The following SEL1L2 variants were observed in gnomAD, a reference collection of about 807,000 sequenced individuals.
SEL1L2 encodes the protein SEL1L2 adaptor subunit of SYVN1 ubiquitin ligase, also known as protein sel-1 homolog 2.
A neutral mutation model predicts 98.8 loss-of-function variants in SEL1L2; 89 were observed. That is an observed-to-expected ratio of 0.90 (90% CI 0.76 to 1.07). SEL1L2 has a LOEUF of 1.07. SEL1L2 is among the 50% of genes least tolerant of loss of function. SEL1L2 has a pLI of 0.00. For synonymous variants in SEL1L2, 262 were observed against 278.5 expected, an observed-to-expected ratio of 0.94 and a Z score of 0.59; for missense variants, 788 against 812.0, an observed-to-expected ratio of 0.97 and a Z score of 0.36.
intron 19 of SEL1L2, chr20:13,849,975 C>T: frequency 1.7e-6 from 1 of 580,728 alleles, no homozygotes; most frequent in Non-Finnish European, 3.0e-6. Flanking sequence ...AAAAGAACAT[C>T]TGCTGAATGA....
chr20:13,866,777 G>C lies in SEL1L2; in HGVS notation c.1329C>G (p.Pro443=). Residue 443 remains proline, a synonymous_variant, in exon 15 of 20, where the codon CCC becomes CCG. Coordinates refer to ENST00000284951, the MANE Select transcript of SEL1L2 (RefSeq NM_025229.2). ...TCTTGGCCAGATAATAAATGGCAAG[G>C]GGCTGCCCACTCTGAGATGCCAGGT... ...YFYLASQSGQ[P]LAIYYLAKMY... 6.2e-7 allele frequency: 1 copy of C among 1,612,948 alleles called. No homozygotes were observed. Among genetic ancestry groups the C allele is most frequent in the Non-Finnish European group, 8.5e-7 (1 of 1,179,504 alleles).
chr20:13,936,479 G>C (rs1030975864), intron 2 of SEL1L2, among the ~76,000 whole-genome samples: 1 of 152,146 alleles, frequency 6.6e-6, no homozygotes, highest in South Asian at 2.1e-4. Context: ...CACTATTTTA[G>C]AACATAAGAT....
chr20:13,945,602 C>T (rs2049972637), intron 2 of SEL1L2, among the ~76,000 whole-genome samples: 1 of 151,966 alleles, frequency 6.6e-6, no homozygotes, highest in Admixed American at 6.6e-5. Flanking sequence ...ATGAGGTCAG[C>T]ATTACCCCAA....
rs2046085205 is a variant in SEL1L2 at position 13,869,547 on chromosome 20, T to C, written c.1211A>G (p.Lys404Arg). Residue 404 changes from lysine to arginine, a missense_variant, in exon 14 of 20, where the codon AAA becomes AGA. Transcript: ENST00000284951. ...ALKYFQKAAE[K>R]GWPDAQFQLG... Reference sequence around the variant, plus strand: ...CTGGAACTGTGCGTCGGGCCACCCTTTTTCCGCAGCTTTCTGAAAGTATTT... The same window carrying C: ...CTGGAACTGTGCGTCGGGCCACCCTCTTTCCGCAGCTTTCTGAAAGTATTT... 3.1e-6 allele frequency: 5 copies of C among 1,614,130 alleles called. No homozygotes were observed. Among genetic ancestry groups the C allele is most frequent in the Non-Finnish European group, 4.2e-6 (5 of 1,180,014 alleles).
intron 5 of SEL1L2, among the ~76,000 whole-genome samples, chr20:13,901,685 G>A (rs1310838669): frequency 6.9e-6 from 1 of 144,764 alleles, no homozygotes; most frequent in African/African-American, 2.6e-5. Context: ...TTTTTGAGAC[G>A]GAGTCTCACT....
chr20:13,881,308 G>T (rs575391708), intron 10 of SEL1L2, among the ~76,000 whole-genome samples: 1 of 152,276 alleles, frequency 6.6e-6, no homozygotes, highest in African/African-American at 2.4e-5. Context: ...CACCGTGCCT[G>T]GCCTGAATAC....
intron 1 of SEL1L2, among the ~76,000 whole-genome samples, chr20:13,957,849 C>G (rs1197775563): frequency 6.6e-6 from 1 of 152,120 alleles, no homozygotes; most frequent in Non-Finnish European, 1.5e-5. Context: ...TGTACTCAAG[C>G]CTGGGTGACA....
chr20:13,857,010 C>T (rs1255248926), intron 18 of SEL1L2, among the ~76,000 whole-genome samples: 2 of 152,152 alleles, frequency 1.3e-5, no homozygotes, highest in African/African-American at 2.4e-5. Context: ...TCAGGATATT[C>T]ATTTTAAGAA....
chr20:13,879,286 C>T (rs1011607052), intron 10 of SEL1L2, among the ~76,000 whole-genome samples: 1 of 152,056 alleles, frequency 6.6e-6, no homozygotes, highest in African/African-American at 2.4e-5. Context: ...CTAAGACTTG[C>T]AAAAATAAGA....
At chr20:13,908,014 T>C (rs1400579630) in intron 5 of SEL1L2, among the ~76,000 whole-genome samples, 3 of 150,800 alleles carry the variant, frequency 2.0e-5, no homozygotes, top group Admixed American at 6.6e-5. Context: ...CTTGAACTCC[T>C]GGGCTCAAGT....
In SEL1L2 at chr20:13,876,105, T is replaced by A; in HGVS notation, c.1037A>T (p.Glu346Val). 1 of 1,611,652 alleles carries A rather than the reference T, an allele frequency of 6.2e-7. No individual in the cohort carries two copies. The highest frequency in any genetic ancestry group is 1.3e-5 in the African/African-American group (1 of 74,964). ...ATTTTGCGGCACGGCAGCATTCCCC[T>A]CTAAATACATCTAGGAAGAAAAATG... ...AMAFIGKMYLEGNAAVPQNNA... is the reference protein window; with the variant it reads ...AMAFIGKMYLVGNAAVPQNNA... The change falls in exon 12 of 20, where the codon GAG (glutamate) becomes GTG (valine). Residue 346 changes from glutamate (E) to valine (V), a missense_variant. Coordinates refer to ENST00000284951, the MANE Select transcript of SEL1L2 (RefSeq NM_025229.2).
rs928856190 is a variant in SEL1L2, at chr20:13,889,713, C to G, written c.550-1201G>C. On this transcript the variant is annotated intron_variant, in intron 5 of 19. Coordinates refer to ENST00000284951, the MANE Select transcript of SEL1L2 (RefSeq NM_025229.2). ...GGCTGAGGCAGGAGAATGGTGTGAA[C>G]CCGGGAGGCGGAGCTTGCAGTGCAC... Among the ~76,000 whole-genome samples the G allele has an allele frequency of 2.0e-5, 3 of 152,098 alleles. No homozygotes were observed. The East Asian group carries it at 5.8e-4, about 29-fold the overall frequency.
rs1210504537 is a variant in SEL1L2 at position 13,887,951 on chromosome 20, C to G, written c.654G>C (p.Gln218His). Residue 218 changes from glutamine to histidine, a missense_variant, in exon 7 of 20, where the codon CAG becomes CAC. Transcript: ENST00000284951. The part of the protein sequence containing the change: ...FGSAGGNMMS[Q>H]MILGYRYLSG... ...TATTTTGTTTACAAACCAAAATCAT[C>G]TGGGACATCATGTTTCCTCCAGCAC... 6.2e-7 allele frequency: 1 copy of G among 1,613,596 alleles called. No individual in the cohort carries two copies. The highest frequency in any genetic ancestry group is 1.3e-5 in the African/African-American group (1 of 74,884).
intron 1 of SEL1L2, among the ~76,000 whole-genome samples, chr20:13,987,894 A>G (rs1421017551): frequency 6.6e-6 from 1 of 152,218 alleles, no homozygotes; most frequent in African/African-American, 2.4e-5. Flanking sequence ...CATCAGATAT[A>G]TGAGTCACAA....
chr20:13,968,582 T>C (rs190433946), intron 1 of SEL1L2, among the ~76,000 whole-genome samples: 4 of 152,334 alleles, frequency 2.6e-5, no homozygotes, highest in African/African-American at 7.2e-5. Context: ...ATTTAGTCAG[T>C]GAGTTGCTCA....
intron 5 of SEL1L2, among the ~76,000 whole-genome samples, chr20:13,911,213 G>A (rs1010538338): frequency 2.6e-5 from 4 of 152,190 alleles, no homozygotes; most frequent in Admixed American, 2.6e-4. Flanking sequence ...TGCATTTCAG[G>A]TTGACCTAGG....
chr20:13,939,035 G>GTTTTGGTTTTTTTTTTTTTT (rs2049598097), intron 2 of SEL1L2, among the ~76,000 whole-genome samples: 1 of 31,472 alleles, frequency 3.2e-5, no homozygotes, highest in Non-Finnish European at 6.4e-5. Context: ...TTGTTTGCTT[G>GTTTTGGTTTTTTTTTTTTTT]TTTTGTTTTT....
chr20:13,850,324 AAGG>A lies in SEL1L2; in HGVS notation c.1819-8_1819-6del, dbSNP rs750604079. The A allele has an allele frequency of 4.3e-6, 7 of 1,613,946 alleles. No individual in the cohort carries two copies. In the East Asian group the frequency reaches 1.1e-4, roughly 26 times the overall value. On this transcript the variant is annotated splice_region_variant and splice_polypyrimidine_tract_variant and intron_variant, in intron 18 of 19. Coordinates refer to ENST00000284951, the MANE Select transcript of SEL1L2 (RefSeq NM_025229.2). ...TCTTCTGGCCAAGTGAATGTCCTAG[AAGG>A]AGAAGAATAGCCCTACCCATCAGAT...
At chr20:13,903,117 CA>C (rs11473702) in intron 5 of SEL1L2, among the ~76,000 whole-genome samples, 283 of 123,076 alleles carry the variant, frequency 2.3e-3, no homozygotes, top group African/African-American at 8.0e-3. Flanking sequence ...GGCTCTTTCT[CA>C]AAAAAAAAAA....
Sources: gnomAD v4.1 joint callset for allele counts (sites outside exome capture counted in the v4.1 genomes callset) on GRCh38, gnomAD v4.1.1 for gene constraint, MANE v1.5 for transcripts, NCBI Gene and HGNC (gene_info 2026-07-23, HGNC 2026-07-21) for gene names.